DACT2: variants seen among roughly 807,000 people sequenced by gnomAD.
DACT2 encodes the protein dapper homolog 2.
In DACT2, 20 loss-of-function variants were observed where a neutral mutation model predicts 22.2. The ratio of observed to expected loss-of-function variants is 0.90; its 90% confidence interval spans 0.63 to 1.31. DACT2 has a LOEUF of 1.31. Among genes scored for constraint, DACT2 ranks in the 50% most tolerant of loss-of-function variants. The pLI is 0.00. For missense variants in DACT2, 1,048 were observed against 1,061.4 expected (o/e 0.99, Z 0.18); for synonymous variants, 463 against 479.8 (o/e 0.96, Z 0.46).
intron 3 of DACT2, among the ~76,000 whole-genome samples, chr6:168,297,690 G>A (rs1562490488): frequency 6.6e-6 from 1 of 152,262 alleles, no homozygotes; most frequent in Non-Finnish European, 1.5e-5. Flanking sequence ...AGCTACCTGG[G>A]AGAGACATGG....
intron 1 of DACT2, among the ~76,000 whole-genome samples, chr6:168,318,799 G>A (rs1483506566): frequency 6.6e-6 from 1 of 152,082 alleles, no homozygotes; most frequent in African/African-American, 2.4e-5. Context: ...CTCCTTACAG[G>A]TCAGGTCACA....
At chr6:168,305,343 A>G (rs1413994325), downstream of DACT2, among the ~76,000 whole-genome samples, 1 of 149,458 alleles carries the variant, frequency 6.7e-6, no homozygotes, top group East Asian at 1.9e-4. Flanking sequence ...AACCACGCCT[A>G]GCTTTCTAAA....
At chr6:168,315,132 T>G (rs1430744361) in intron 1 of DACT2, among the ~76,000 whole-genome samples, 1 of 152,188 alleles carries the variant, frequency 6.6e-6, no homozygotes, top group African/African-American at 2.4e-5. Context: ...AAGGAATTGT[T>G]GCAAGCTGCC....
intron 3 of DACT2, among the ~76,000 whole-genome samples, chr6:168,301,872 A>G (rs978053554): frequency 1.3e-5 from 2 of 152,208 alleles, no homozygotes; most frequent in African/African-American, 4.8e-5. Context: ...TGGAACTGGG[A>G]GCTATGGGAT....
In DACT2 at chr6:168,307,456, G is replaced by C. The variant is rs1335339744; in HGVS notation, c.2301C>G (p.Ala767=). ...CTCACACCATGGTCATGACCTTCAG[G>C]GCCGTCGGCTGGAACCTGCGGATCT... The part of the protein sequence containing the change: ...KKKIRRFQPT[A]LKVMTMV The change falls in exon 4 of 4, where the codon GCC becomes GCG. Residue 767 remains alanine, a synonymous_variant. Coordinates refer to ENST00000366795, the MANE Select transcript of DACT2 (RefSeq NM_214462.5). The surrounding 1 kb of genome is among the most constrained non-coding windows in gnomAD (Gnocchi z 5.3). The C allele has an allele frequency of 6.4e-7, 1 of 1,551,662 alleles. No individual in the cohort carries two copies.
chr6:168,294,771 C>A (rs551819043), intron 3 of DACT2: 2 of 700,818 alleles, frequency 2.9e-6, no homozygotes, highest in East Asian at 3.5e-5. Flanking sequence ...AACGATTCTG[C>A]GATTCTGCAG....
At chr6:168,315,742 C>T (rs982048715) in intron 1 of DACT2, among the ~76,000 whole-genome samples, 2 of 152,182 alleles carry the variant, frequency 1.3e-5, no homozygotes, top group East Asian at 1.9e-4. Context: ...AGAATTCCTG[C>T]AGGCTAAATC....
At position 168,307,682 on chromosome 6, in the gene DACT2, T is replaced by C; in HGVS notation, c.2075A>G (p.Asn692Ser). 3 of 1,549,894 alleles carry C rather than the reference T, an allele frequency of 1.9e-6. No individual in the cohort carries two copies. The highest frequency in any genetic ancestry group is 1.7e-6 in the Non-Finnish European group (2 of 1,146,370). The change falls in exon 4 of 4, where the codon AAC becomes AGC. Residue 692 changes from asparagine (N) to serine (S), a missense_variant. Coordinates refer to ENST00000366795, the MANE Select transcript of DACT2 (RefSeq NM_214462.5). The surrounding 1 kb of genome is among the most constrained non-coding windows in gnomAD (Gnocchi z 5.3). ...SEGESSDHTT[N>S]RFGDRESSSS... ...GCTGGACTCACGGTCTCCGAATCGG[T>C]TGGTGGTGTGGTCACTGGACTCTCC...
downstream of DACT2, among the ~76,000 whole-genome samples, chr6:168,304,769 T>C (rs1028609174): frequency 1.3e-5 from 2 of 152,178 alleles, no homozygotes; most frequent in African/African-American, 4.8e-5. Context: ...TCAGCCAGGC[T>C]ATGAGGAGGC....
rs371772483 is a variant in DACT2, at chr6:168,318,930, C to A, written c.246+458G>T. The stretch of plus-strand genomic sequence containing the variant: ...ACAAGTCGGGGTGCGCTTTACCACG[C>A]GGACACTGTTGCCCCTAACCCAAGA... On this transcript the variant is annotated intron_variant, in intron 1 of 3. Coordinates refer to ENST00000366795, the MANE Select transcript of DACT2 (RefSeq NM_214462.5). 4.0e-4 allele frequency among the ~76,000 whole-genome samples: 61 copies of A among 152,262 alleles called. 1 individual carries two copies. The South Asian group carries it at 0.012, about 31-fold the overall frequency.
downstream of DACT2, among the ~76,000 whole-genome samples, chr6:168,306,745 C>T (rs1231358054): frequency 6.6e-6 from 1 of 152,160 alleles, no homozygotes; most frequent in African/African-American, 2.4e-5. Flanking sequence ...CCACCACGCC[C>T]GGCCTATGCT....
In DACT2 at chr6:168,319,606, AC is replaced by A. The variant is rs1253052812; in HGVS notation, c.27del (p.Ser10ProfsTer76). On this transcript the variant is annotated frameshift_variant, in exon 1 of 4. Coordinates refer to ENST00000366795, the MANE Select transcript of DACT2 (RefSeq NM_214462.5). LOFTEE classifies it high-confidence loss of function. MWTPGGPP[G>X]SAGWDRRRLG... Reference sequence around the variant, plus strand: ...AACCTACGGCGGTCCCAGCCCGCGGACCCCGGGGGTCCGCCCGGCGTCCACA... The same window carrying A: ...AACCTACGGCGGTCCCAGCCCGCGGACCCGGGGGTCCGCCCGGCGTCCACA... The A allele has an allele frequency of 7.6e-7, 1 of 1,324,148 alleles. No homozygotes were observed. Among genetic ancestry groups the A allele is most frequent in the Non-Finnish European group, 9.7e-7 (1 of 1,034,004 alleles). 82.0% of individuals were successfully genotyped at this position (1,324,148 alleles called of 1,614,324 possible). A position where few individuals can be genotyped will look rare whatever the true frequency, so the allele number is the denominator to read the frequency against.
intron 3 of DACT2, among the ~76,000 whole-genome samples, chr6:168,309,675 C>T (rs1214901279): frequency 1.3e-5 from 2 of 152,220 alleles, no homozygotes; most frequent in Non-Finnish European, 2.9e-5. Context: ...GAGGAAACCA[C>T]GGGGCTTCTC....
chr6:168,305,146 G>C (rs1166169016), downstream of DACT2, among the ~76,000 whole-genome samples: 1 of 152,158 alleles, frequency 6.6e-6, no homozygotes, highest in Non-Finnish European at 1.5e-5. Flanking sequence ...GAGAACGATT[G>C]ATTGATTGAT....
At chr6:168,294,425 C>T (rs1778964579) in intron 4 of DACT2, among the ~76,000 whole-genome samples, 2 of 151,722 alleles carry the variant, frequency 1.3e-5, no homozygotes, top group African/African-American at 4.9e-5. Flanking sequence ...GAGCATTGCA[C>T]GGCTCTGCTA....
intron 3 of DACT2, among the ~76,000 whole-genome samples, chr6:168,301,016 AAAAACAAAAAC>A (rs1468972302): frequency 1.4e-5 from 2 of 142,420 alleles, no homozygotes; most frequent in Non-Finnish European, 3.0e-5. Flanking sequence ...CAAAAAAACA[AAAAACAAAAAC>A]AAAACAAAAC....
At chr6:168,312,342 A>G (rs886269041) in intron 1 of DACT2, among the ~76,000 whole-genome samples, 42 of 152,128 alleles carry the variant, frequency 2.8e-4, no homozygotes, top group African/African-American at 9.9e-4. Flanking sequence ...GACTGCAGGC[A>G]TGCACCATCA....
chr6:168,297,377 C>T (rs1779025879), intron 3 of DACT2, among the ~76,000 whole-genome samples: 1 of 152,072 alleles, frequency 6.6e-6, no homozygotes. Context: ...CACAGGGGTC[C>T]TCATGAGAGG....
At chr6:168,300,816 C>T (rs904696030) in intron 3 of DACT2, among the ~76,000 whole-genome samples, 1 of 151,974 alleles carries the variant, frequency 6.6e-6, no homozygotes, top group East Asian at 1.9e-4. Context: ...GAAACCCCGT[C>T]TATGCTAAAG....
Sources: gnomAD v4.1 joint callset for allele counts (sites outside exome capture counted in the v4.1 genomes callset) on GRCh38, gnomAD v4.1.1 for gene constraint, Gnocchi (gnomAD v3.1) non-coding constraint, MANE v1.5 for transcripts, NCBI Gene and HGNC (gene_info 2026-07-23, HGNC 2026-07-21) for gene names.